The following PDGFD variants were observed in gnomAD, a reference collection of about 807,000 sequenced individuals.
PDGFD encodes the protein platelet derived growth factor D, also known as platelet-derived growth factor D.
A neutral mutation model predicts 44.7 loss-of-function variants in PDGFD; 30 were observed. That is an observed-to-expected ratio of 0.67 (90% CI 0.50 to 0.91). PDGFD has a LOEUF of 0.91. Ranked by LOEUF, PDGFD falls within the 40% of genes least tolerant of loss-of-function variation. The pLI, the probability that PDGFD is intolerant of heterozygous loss-of-function variation, is 0.00. For missense variants in PDGFD, 445 were observed against 457.8 expected (o/e 0.97, Z 0.25); for synonymous variants, 173 against 168.4 (o/e 1.03, Z -0.21).
At chr11:104,061,936 G>A (rs1860724158) in intron 1 of PDGFD, among the ~76,000 whole-genome samples, 1 of 95,642 alleles carries the variant, frequency 1.0e-5, no homozygotes, top group South Asian at 3.6e-4. Flanking sequence ...ATTTCAAGTG[G>A]TTACAACTCG....
chr11:104,143,837 T>C (rs1431231190), intron 1 of PDGFD, among the ~76,000 whole-genome samples: 1 of 152,276 alleles, frequency 6.6e-6, no homozygotes, highest in Non-Finnish European at 1.5e-5. Flanking sequence ...AGTTATATTA[T>C]AAAACCAATT....
chr11:103,925,838 C>T (rs1216285461), intron 6 of PDGFD, among the ~76,000 whole-genome samples: 1 of 151,306 alleles, frequency 6.6e-6, no homozygotes, highest in East Asian at 1.9e-4. Context: ...AAGTGATTCT[C>T]CCGCCTCAGC....
intron 3 of PDGFD, among the ~76,000 whole-genome samples, chr11:103,955,202 A>C (rs1453639650): frequency 1.5e-5 from 2 of 132,070 alleles, no homozygotes; most frequent in African/African-American, 2.8e-5. Flanking sequence ...AAAAAAAAAA[A>C]AAAAAAACAG....
intron 1 of PDGFD, among the ~76,000 whole-genome samples, chr11:104,134,663 A>T (rs1044273501): frequency 1.3e-5 from 2 of 152,168 alleles, no homozygotes; most frequent in Admixed American, 1.3e-4. Flanking sequence ...CTGTATCTTC[A>T]AGAAGTGCAA....
intron 1 of PDGFD, among the ~76,000 whole-genome samples, chr11:104,124,190 TA>T: frequency 6.6e-6 from 1 of 152,092 alleles, no homozygotes; most frequent in East Asian, 1.9e-4. Context: ...AGAAAGGTCC[TA>T]AACAGAATTC....
At chr11:104,067,622 G>A (rs1860810268) in intron 1 of PDGFD, among the ~76,000 whole-genome samples, 1 of 152,152 alleles carries the variant, frequency 6.6e-6, no homozygotes, top group Admixed American at 6.5e-5. Flanking sequence ...GGTCAGCCAA[G>A]TGCATCATTT....
rs566072965 is a variant in PDGFD at position 104,163,601 on chromosome 11, A to T, written c.124+203T>A. 1.8e-3 allele frequency among the ~76,000 whole-genome samples: 268 copies of T among 152,056 alleles called. 2 individuals carry two copies. The highest frequency in any genetic ancestry group is 6.1e-3 in the African/African-American group (255 of 41,470). On this transcript the variant is annotated intron_variant, in intron 1 of 6. Transcript: ENST00000393158. ...CCTGGCTTATCCTATCCCCATCAGC[A>T]CGCGTCCCACACCTCTCAGTCCCAT...
rs114412084 is a variant in PDGFD, at chr11:104,011,168, G to T, written c.125-10913C>A. On this transcript the variant is annotated intron_variant, in intron 1 of 6. Transcript: ENST00000393158. Reference sequence around the variant, plus strand: ...TGGAATTGAACAGTGTGGATCAGAGGCAATGATCGTAAAATATCCTAATGC... The same window carrying T: ...TGGAATTGAACAGTGTGGATCAGAGTCAATGATCGTAAAATATCCTAATGC... Among the ~76,000 whole-genome samples the T allele has an allele frequency of 5.4e-3, 813 of 151,784 alleles. 3 individuals carry two copies. Among genetic ancestry groups the T allele is most frequent in the African/African-American group, 0.019 (769 of 41,396 alleles).
chr11:104,090,978 T>C (rs1049269587), intron 1 of PDGFD, among the ~76,000 whole-genome samples: 2 of 152,080 alleles, frequency 1.3e-5, no homozygotes, highest in African/African-American at 4.8e-5. Flanking sequence ...CAAACTCGTT[T>C]CTCAAAAGCC....
intron 3 of PDGFD, among the ~76,000 whole-genome samples, chr11:103,991,582 T>G (rs1355925488): frequency 6.6e-6 from 1 of 152,244 alleles, no homozygotes; most frequent in Non-Finnish European, 1.5e-5. Flanking sequence ...AGAAAGTTTT[T>G]GAGTAGCTTT....
chr11:103,986,090 A>C (rs1201003271), intron 3 of PDGFD, among the ~76,000 whole-genome samples: 1 of 152,200 alleles, frequency 6.6e-6, no homozygotes, highest in Non-Finnish European at 1.5e-5. Flanking sequence ...GAAAGGCACA[A>C]TCTTGAGTGG....
At chr11:104,107,196 A>C (rs75312941) in intron 1 of PDGFD, among the ~76,000 whole-genome samples, 1,736 of 152,300 alleles carry the variant, frequency 0.011, 32 homozygotes, top group African/African-American at 0.037. Flanking sequence ...ATTATCCCCA[A>C]AGAGACCGAA....
intron 1 of PDGFD, among the ~76,000 whole-genome samples, chr11:104,144,399 G>A (rs191615681): frequency 4.0e-5 from 6 of 150,996 alleles, no homozygotes; most frequent in Non-Finnish European, 7.4e-5. Context: ...CCAGCTACTC[G>A]GGAGGCTGAG....
chr11:104,161,956 T>A (rs147122344), intron 1 of PDGFD, among the ~76,000 whole-genome samples: 7,099 of 112,978 alleles, frequency 0.063, 199 homozygotes, highest in East Asian at 0.13. Flanking sequence ...AGAGAGTGTG[T>A]GTGTGTGTGT....
At chr11:103,922,024 G>C (rs1475906121) in intron 6 of PDGFD, among the ~76,000 whole-genome samples, 1 of 151,778 alleles carries the variant, frequency 6.6e-6, no homozygotes, top group South Asian at 2.1e-4. Context: ...AGACAGTGCA[G>C]GTGGTTAGGT....
At chr11:104,011,072 T>C (rs1427821660) in intron 1 of PDGFD, among the ~76,000 whole-genome samples, 1 of 152,140 alleles carries the variant, frequency 6.6e-6, no homozygotes, top group Non-Finnish European at 1.5e-5. Flanking sequence ...CCAATATTTT[T>C]ATAAATATTG....
chr11:104,009,429 CATT>C lies in PDGFD; in HGVS notation c.125-9177_125-9175del, dbSNP rs58324746. ...AAATCAGTCCTGTGTCTTGCAAATG[CATT>C]ATTATTATTATTATTATTATTATCA... On this transcript the variant is annotated intron_variant, in intron 1 of 6. Transcript: ENST00000393158. Among the ~76,000 whole-genome samples the C allele has an allele frequency of 6.6e-3, 975 of 148,784 alleles. 15 individuals carry two copies. Among genetic ancestry groups the C allele is most frequent in the African/African-American group, 0.022 (884 of 40,344 alleles).
In PDGFD at chr11:103,996,223, C is replaced by T; in HGVS notation, c.352G>A (p.Asp118Asn). 6.2e-7 allele frequency: 1 copy of T among 1,611,090 alleles called. No individual in the cohort carries two copies. Among genetic ancestry groups the T allele is most frequent in the Non-Finnish European group, 8.5e-7 (1 of 1,178,696 alleles). The change falls in exon 3 of 7, where the codon GAT becomes AAT. Residue 118 changes from aspartate (D) to asparagine (N), a missense_variant. Transcript: ENST00000393158. ...ATAATGGTACTGGTTTCGGATATAT[C>T]TTCAACTTCCACAAAATCATACCTA... ...ICRYDFVEVE[D>N]ISETSTIIRG...
chr11:104,035,736 C>T (rs1860220743), intron 1 of PDGFD, among the ~76,000 whole-genome samples: 1 of 152,060 alleles, frequency 6.6e-6, no homozygotes, highest in Non-Finnish European at 1.5e-5. Flanking sequence ...AATGTCTCAT[C>T]TTTCTCTAGA....
Sources: gnomAD v4.1 joint callset for allele counts (sites outside exome capture counted in the v4.1 genomes callset) on GRCh38, gnomAD v4.1.1 for gene constraint, MANE v1.5 for transcripts, NCBI Gene and HGNC (gene_info 2026-07-23, HGNC 2026-07-21) for gene names.